FNIP1: variants seen among roughly 807,000 people sequenced by gnomAD.
FNIP1 encodes folliculin-interacting protein 1.
A neutral mutation model predicts 124.5 loss-of-function variants in FNIP1; 40 were observed. That is an observed-to-expected ratio of 0.32 (90% CI 0.25 to 0.42). FNIP1 has a LOEUF of 0.42. FNIP1 is among the 10% of genes least tolerant of loss of function. FNIP1 has a pLI of 1.00. For missense variants in FNIP1, 1,176 were observed against 1,403.7 expected, an observed-to-expected ratio of 0.84 and a Z score of 2.59; for synonymous variants, 472 against 470.6, an observed-to-expected ratio of 1.00 and a Z score of -0.04.
intron 11 of FNIP1, among the ~76,000 whole-genome samples, chr5:131,693,984 AT>A (rs1382724049): frequency 6.6e-6 from 1 of 152,196 alleles, no homozygotes; most frequent in Non-Finnish European, 1.5e-5. Flanking sequence ...TGCTCAACAT[AT>A]GTCATTGGGG....
chr5:131,701,072 A>G (rs1286083944), intron 10 of FNIP1, among the ~76,000 whole-genome samples: 1 of 152,190 alleles, frequency 6.6e-6, no homozygotes. Flanking sequence ...GTGAGCGAGC[A>G]TTACTGCCTG....
intron 1 of FNIP1, among the ~76,000 whole-genome samples, chr5:131,770,772 C>T (rs1771603477): frequency 1.3e-5 from 2 of 152,098 alleles, no homozygotes; most frequent in African/African-American, 4.8e-5. Context: ...TTAGAATGTG[C>T]ATCACACACA....
At chr5:131,698,653 T>C (rs1218373625) in intron 11 of FNIP1, among the ~76,000 whole-genome samples, 1 of 152,166 alleles carries the variant, frequency 6.6e-6, no homozygotes, top group African/African-American at 2.4e-5. Context: ...AAGCATACTT[T>C]TGCTAGAACA....
At chr5:131,773,737 C>G (rs986931686) in intron 1 of FNIP1, among the ~76,000 whole-genome samples, 1 of 152,138 alleles carries the variant, frequency 6.6e-6, no homozygotes, top group Non-Finnish European at 1.5e-5. Flanking sequence ...ATTCTGACAA[C>G]TATCTCAACA....
At chr5:131,771,562 A>G (rs1016417624) in intron 1 of FNIP1, among the ~76,000 whole-genome samples, 1 of 152,164 alleles carries the variant, frequency 6.6e-6, no homozygotes, top group Non-Finnish European at 1.5e-5. Flanking sequence ...TCTAAAGTCA[A>G]CCTACTAAGT....
At chr5:131,727,600 C>T (rs1023377845) in intron 3 of FNIP1, among the ~76,000 whole-genome samples, 1 of 152,118 alleles carries the variant, frequency 6.6e-6, no homozygotes, top group Non-Finnish European at 1.5e-5. Flanking sequence ...CTCCTGAATA[C>T]AGCACACTCA....
chr5:131,664,127 GTA>G (rs1767523920), intron 15 of FNIP1, among the ~76,000 whole-genome samples: 1 of 152,176 alleles, frequency 6.6e-6, no homozygotes, highest in African/African-American at 2.4e-5. Context: ...TAATTTTTCT[GTA>G]TGTTGAACAC....
chr5:131,700,574 ACTGGC>A (rs1768865886), intron 10 of FNIP1, among the ~76,000 whole-genome samples: 1 of 152,188 alleles, frequency 6.6e-6, no homozygotes, highest in African/African-American at 2.4e-5. Flanking sequence ...CTGTTAAGAG[ACTGGC>A]AATTTATAAA....
chr5:131,739,593 C>T (rs565069742), intron 2 of FNIP1, among the ~76,000 whole-genome samples: 3 of 151,984 alleles, frequency 2.0e-5, no homozygotes. Context: ...GTGGGTGGAT[C>T]ACGAGGTCAG....
chr5:131,738,746 T>C (rs533406273), intron 2 of FNIP1, among the ~76,000 whole-genome samples: 1 of 151,774 alleles, frequency 6.6e-6, no homozygotes, highest in South Asian at 2.1e-4. Flanking sequence ...CCTCATGTGA[T>C]CCACCCTCCT....
intron 11 of FNIP1, among the ~76,000 whole-genome samples, chr5:131,695,104 CAAATAAATAAAT>C (rs72306515): frequency 0.019 from 2,556 of 137,834 alleles, 39 homozygotes; most frequent in African/African-American, 0.038. Flanking sequence ...GACACTGTCT[CAAATAAATAAAT>C]AAATAAATAA....
intron 11 of FNIP1, among the ~76,000 whole-genome samples, chr5:131,680,398 T>A (rs182075632): frequency 6.6e-6 from 1 of 152,234 alleles, no homozygotes; most frequent in African/African-American, 2.4e-5. Context: ...GTAGAACATA[T>A]AATCATTGCT....
chr5:131,795,877 C>G (rs933050088), intron 1 of FNIP1: 7 of 152,092 alleles, frequency 4.6e-5, no homozygotes, highest in Non-Finnish European at 1.0e-4. Context: ...AAGTTTAAAA[C>G]GTGTGGCATT....
chr5:131,781,654 G>C (rs979447786), intron 1 of FNIP1, among the ~76,000 whole-genome samples: 2 of 152,010 alleles, frequency 1.3e-5, no homozygotes, highest in South Asian at 4.1e-4. Flanking sequence ...GAGACCTACC[G>C]CTCAGAAAAA....
intron 10 of FNIP1, 117 bp from the exon 11 acceptor site, chr5:131,699,119 G>A (rs931766757): frequency 4.8e-6 from 3 of 629,036 alleles, no homozygotes; most frequent in South Asian, 2.8e-5. Flanking sequence ...AATTCTTATC[G>A]AGAAAGAAAT....
At position 131,644,005 on chromosome 5, in the gene FNIP1, A is replaced by G. The variant is rs533555646; in HGVS notation, c.*680T>C. 3 of 152,626 alleles carry G rather than the reference A, an allele frequency of 2.0e-5. No individual in the cohort carries two copies. Among genetic ancestry groups the G allele is most frequent in the South Asian group, 4.1e-4 (2 of 4,828 alleles). 9.5% of individuals were successfully genotyped at this position (152,626 alleles called of 1,614,324 possible). A position where few individuals can be genotyped will look rare whatever the true frequency, so the allele number is the denominator to read the frequency against. ...GTGTGAAACAGAAAAATCACCAATA[A>G]GTAATATTTCAGCATTATAGACAAT... On this transcript the variant is annotated 3_prime_UTR_variant, in exon 18 of 18. Transcript: ENST00000510461.
At chr5:131,743,415 G>A (rs1770573549) in intron 2 of FNIP1, among the ~76,000 whole-genome samples, 1 of 151,596 alleles carries the variant, frequency 6.6e-6, no homozygotes, top group South Asian at 2.1e-4. Context: ...ACCAAGGAGA[G>A]ACCAACAGAG....
Position 131,670,469 on chromosome 5 carries a change from A to G in FNIP1, c.3102T>C (p.Ala1034=). The change falls in exon 15 of 18, where the codon GCT becomes GCC. Residue 1034 remains alanine (A), a synonymous_variant. Coordinates refer to ENST00000510461, the MANE Select transcript of FNIP1 (RefSeq NM_133372.3). ...RQCLMSDLSH[A]VQHPVLDEPI... ...AACAGTGAAGGTCACTCACCTGCACAGCATGAGATAAATCTGACATCAGAC... is the reference window on the plus strand; with the variant it reads ...AACAGTGAAGGTCACTCACCTGCACGGCATGAGATAAATCTGACATCAGAC... 1 of 1,607,118 alleles carries G rather than the reference A, an allele frequency of 6.2e-7. No homozygotes were observed. Among genetic ancestry groups the G allele is most frequent in the Non-Finnish European group, 8.5e-7 (1 of 1,177,812 alleles).
chr5:131,706,453 C>T lies in FNIP1; in HGVS notation c.872G>A (p.Arg291His), dbSNP rs1488977967. 1.9e-6 allele frequency: 3 copies of T among 1,613,070 alleles called. No homozygotes were observed. Among genetic ancestry groups the T allele is most frequent in the Admixed American group, 1.7e-5 (1 of 59,840 alleles). ...ATTTTCCAAACTTGTTGTTTGGCTG[C>T]GTCGCCAACGTCGCTGGTAGCTGCT... ...CASSYQRRWR[R>H]SQTTSLENGV... Residue 291 changes from arginine (R) to histidine (H), a missense_variant, in exon 9 of 18, where the codon CGC becomes CAC. Around this residue, in one of 2 missense-constraint regions of FNIP1, gnomAD observed 1,109 missense variants for 1,288.5 expected, o/e 0.86. Transcript: ENST00000510461.
Sources: gnomAD v4.1 joint callset for allele counts (sites outside exome capture counted in the v4.1 genomes callset) on GRCh38, gnomAD v4.1.1 for gene constraint, gnomAD v4.1.1 regional missense constraint, MANE v1.5 for transcripts, NCBI Gene and HGNC (gene_info 2026-07-23, HGNC 2026-07-21) for gene names.